Variants in AGBL4 observed in about 807,000 individuals in gnomAD.
AGBL4 encodes cytosolic carboxypeptidase 6.
A neutral mutation model predicts 66.4 loss-of-function variants in AGBL4; 58 were observed. That is an observed-to-expected ratio of 0.87 (90% CI 0.71 to 1.09). The LOEUF (loss-of-function observed/expected upper bound fraction) is 1.09. AGBL4 is among the 50% of genes least tolerant of loss of function. The pLI is 0.00. For missense variants in AGBL4, 579 were observed against 631.0 expected (o/e 0.92, Z 0.88); for synonymous variants, 234 against 222.9 (o/e 1.05, Z -0.44).
At chr1:48,625,023 G>A (rs1261610079) in intron 9 of AGBL4, among the ~76,000 whole-genome samples, 1 of 151,706 alleles carries the variant, frequency 6.6e-6, no homozygotes. Context: ...TCCTCCTGCT[G>A]CTGCCTCCTG....
chr1:49,563,377 G>C (rs1644104613), intron 3 of AGBL4, among the ~76,000 whole-genome samples: 1 of 152,102 alleles, frequency 6.6e-6, no homozygotes, highest in Admixed American at 6.6e-5. Flanking sequence ...CGGCATCCCT[G>C]TCTTGTGCCA....
intron 1 of AGBL4, among the ~76,000 whole-genome samples, chr1:50,011,995 T>C (rs1661572469): frequency 6.6e-6 from 1 of 151,572 alleles, no homozygotes; most frequent in African/African-American, 2.4e-5. Context: ...CCGTCTCTAC[T>C]AAAAATACAA....
chr1:48,596,531 CTCTT>C (rs1221209375), intron 9 of AGBL4, among the ~76,000 whole-genome samples: 1 of 152,096 alleles, frequency 6.6e-6, no homozygotes, highest in African/African-American at 2.4e-5. Flanking sequence ...AAATTGAGGA[CTCTT>C]TCTTTAATAT....
chr1:49,284,389 G>A (rs1213240135), intron 3 of AGBL4, among the ~76,000 whole-genome samples: 2 of 151,796 alleles, frequency 1.3e-5, no homozygotes, highest in Non-Finnish European at 2.9e-5. Context: ...ACAGGGAAAG[G>A]AACAACCGGT....
intron 11 of AGBL4, among the ~76,000 whole-genome samples, chr1:48,569,868 A>G (rs1644531844): frequency 6.6e-6 from 1 of 152,244 alleles, no homozygotes; most frequent in African/African-American, 2.4e-5. Context: ...ATTCATGCTA[A>G]TATGTGCCAT....
chr1:48,717,552 A>G, intron 6 of AGBL4, among the ~76,000 whole-genome samples: 1 of 152,134 alleles, frequency 6.6e-6, no homozygotes, highest in South Asian at 2.1e-4. Context: ...GCATGCAGGT[A>G]ATTTTCCTGT....
At chr1:49,772,425 A>C (rs968835878) in intron 2 of AGBL4, among the ~76,000 whole-genome samples, 1 of 152,160 alleles carries the variant, frequency 6.6e-6, no homozygotes, top group African/African-American at 2.4e-5. Context: ...TACAACACTT[A>C]GGGTATTCTG....
At chr1:49,962,067 G>T (rs1013847328) in intron 1 of AGBL4, among the ~76,000 whole-genome samples, 1 of 152,112 alleles carries the variant, frequency 6.6e-6, no homozygotes, top group Non-Finnish European at 1.5e-5. Flanking sequence ...CTCGGATGCT[G>T]CTTCATGAAA....
At chr1:49,104,171 C>G (rs1276964681) in intron 4 of AGBL4, among the ~76,000 whole-genome samples, 1 of 152,158 alleles carries the variant, frequency 6.6e-6, no homozygotes, top group African/African-American at 2.4e-5. Context: ...AGGCTAACCT[C>G]AAATGGTTCC....
At chr1:49,951,521 C>G (rs899431999) in intron 1 of AGBL4, among the ~76,000 whole-genome samples, 1 of 151,916 alleles carries the variant, frequency 6.6e-6, no homozygotes. Flanking sequence ...TGGCACCACC[C>G]TTGTTTTGAT....
intron 3 of AGBL4, chr1:49,257,509 T>G (rs1652637864): frequency 6.5e-6 from 1 of 152,796 alleles, no homozygotes; most frequent in African/African-American, 2.4e-5. Context: ...GTGCGCCGTT[T>G]CCTAAGCCCG....
chr1:49,788,309 A>T (rs1644510636), intron 2 of AGBL4, among the ~76,000 whole-genome samples: 1 of 152,200 alleles, frequency 6.6e-6, no homozygotes, highest in African/African-American at 2.4e-5. Context: ...CAAAAACTGA[A>T]CTGCACACTA....
intron 2 of AGBL4, among the ~76,000 whole-genome samples, chr1:49,807,640 C>T (rs1645005249): frequency 6.6e-6 from 1 of 152,126 alleles, no homozygotes; most frequent in Non-Finnish European, 1.5e-5. Flanking sequence ...ATAGTAAACA[C>T]TTTTGGGGTT....
At chr1:49,880,257 A>T (rs868164110) in intron 1 of AGBL4, among the ~76,000 whole-genome samples, 28 of 151,422 alleles carry the variant, frequency 1.8e-4, no homozygotes, top group Admixed American at 5.3e-4. Flanking sequence ...GAGTTTCCAG[A>T]TTTTCTGTTC....
chr1:49,556,537 A>AG, intron 3 of AGBL4, among the ~76,000 whole-genome samples: 1 of 147,182 alleles, frequency 6.8e-6, no homozygotes, highest in Non-Finnish European at 1.5e-5. Flanking sequence ...TATATATATA[A>AG]ACAAATCTTT....
At position 48,717,524 on chromosome 1, in the gene AGBL4, G is replaced by A. The variant is rs562871798; in HGVS notation, c.635-54283C>T. Among the ~76,000 whole-genome samples the A allele has an allele frequency of 9.2e-5, 14 of 152,190 alleles. No individual in the cohort carries two copies. In the South Asian group the frequency reaches 2.1e-3, roughly 23 times the overall value. On this transcript the variant is annotated intron_variant, in intron 6 of 13. Coordinates refer to ENST00000371839, the MANE Select transcript of AGBL4 (RefSeq NM_032785.4). Reference sequence around the variant, plus strand: ...CTATGATGAAAGTCAATGTGTGTGCGTGTGTGTGTGCGCGCGTGCATGCAG... The same window carrying A: ...CTATGATGAAAGTCAATGTGTGTGCATGTGTGTGTGCGCGCGTGCATGCAG...
At chr1:49,209,094 C>A (rs528959806) in intron 4 of AGBL4, among the ~76,000 whole-genome samples, 16 of 152,186 alleles carry the variant, frequency 1.1e-4, no homozygotes, top group Admixed American at 7.9e-4. Context: ...ATCATTTAAT[C>A]CAGCACTAAC....
intron 3 of AGBL4, among the ~76,000 whole-genome samples, chr1:49,320,012 A>G (rs907003649): frequency 4.6e-5 from 7 of 152,116 alleles, no homozygotes; most frequent in African/African-American, 7.2e-5. Context: ...GGTTCACTAC[A>G]GCCTCAACCT....
intron 3 of AGBL4, among the ~76,000 whole-genome samples, chr1:49,440,447 T>TTTGGACA (rs1398905587): frequency 1.3e-5 from 2 of 152,170 alleles, no homozygotes; most frequent in Non-Finnish European, 2.9e-5. Context: ...AAATAAATGC[T>TTTGGACA]TTTGACACTC....
Sources: allele counts gnomAD v4.1 joint callset (sites outside exome capture counted in the v4.1 genomes callset), GRCh38; gene constraint gnomAD v4.1.1; transcripts MANE v1.5; gene names NCBI Gene and HGNC (gene_info 2026-07-23, HGNC 2026-07-21).